The following DLG5 variants were observed in gnomAD, a reference collection of about 807,000 sequenced individuals.
DLG5 encodes the protein disks large homolog 5.
Under a neutral mutation model 189.8 loss-of-function variants are expected in DLG5, and 48 were observed. That is an observed-to-expected ratio of 0.25 (90% CI 0.20 to 0.32). DLG5 has a LOEUF of 0.32. DLG5 is among the 10% of genes least tolerant of loss of function. The pLI is 1.00. For synonymous variants in DLG5, 1,016 were observed against 1,054.1 expected, an observed-to-expected ratio of 0.96 and a Z score of 0.70; for missense variants, 2,160 against 2,544.7, an observed-to-expected ratio of 0.85 and a Z score of 3.25.
intron 23 of DLG5, among the ~76,000 whole-genome samples, chr10:77,810,255 G>A (rs563571081): frequency 7.9e-5 from 12 of 152,360 alleles, no homozygotes; most frequent in African/African-American, 2.9e-4. Context: ...TGGAGGGAGT[G>A]AGATGGGACA....
chr10:77,816,709 G>C lies in DLG5; in HGVS notation c.3875-8C>G, dbSNP rs371821340. The C allele has an allele frequency of 6.3e-6, 10 of 1,598,874 alleles. No homozygotes were observed. The highest frequency in any genetic ancestry group is 8.5e-6 in the Non-Finnish European group (10 of 1,172,246). ...CAGAATGTGACACTGAACCTGCAGA[G>C]AGGAGCGGGTAATGCCGGTGTGAAC... On this transcript the variant is annotated splice_region_variant and splice_polypyrimidine_tract_variant and intron_variant, in intron 19 of 31. Transcript: ENST00000372391.
intron 15 of DLG5, 28 bp downstream of exon 15, chr10:77,821,054 C>T (rs1246725174): frequency 1.9e-6 from 3 of 1,572,836 alleles, no homozygotes; most frequent in African/African-American, 2.7e-5. Flanking sequence ...TAGGCCTCCC[C>T]TCCCCACACC....
At chr10:77,938,542 A>G in the DLG5 span, among the ~76,000 whole-genome samples, 1 of 152,230 alleles carries the variant, frequency 6.6e-6, no homozygotes, top group South Asian at 2.1e-4. Flanking sequence ...ACTCTCCATA[A>G]GAACACTTCC....
At chr10:77,865,344 G>A (rs561807338) in intron 2 of DLG5, among the ~76,000 whole-genome samples, 1 of 152,246 alleles carries the variant, frequency 6.6e-6, no homozygotes, top group South Asian at 2.1e-4. Context: ...GGGCGTCAGT[G>A]GCAGCCCCCA....
rs1840657798 is a variant in DLG5 at position 77,791,879 on chromosome 10, T to C, written c.*561A>G. 1.9e-5 allele frequency: 3 copies of C among 154,298 alleles called. No individual in the cohort carries two copies. In the South Asian group the frequency reaches 6.2e-4, roughly 32 times the overall value. 9.6% of individuals were successfully genotyped at this position (154,298 alleles called of 1,614,324 possible). ...CAGGCAGTCTGAGCACCTGGAGTTG[T>C]GACGTCCTTCCAGGAGAGGTGCCAC... is the stretch of plus-strand genomic sequence containing the variant. On this transcript the variant is annotated 3_prime_UTR_variant, in exon 32 of 32. Transcript: ENST00000372391.
intron 5 of DLG5, among the ~76,000 whole-genome samples, chr10:77,845,655 G>T (rs1447907228): frequency 6.6e-6 from 1 of 151,478 alleles, no homozygotes; most frequent in African/African-American, 2.4e-5. Context: ...GAGAGAGAAA[G>T]AAAGGGAAAG....
intron 2 of DLG5, among the ~76,000 whole-genome samples, chr10:77,865,936 T>G (rs2154576978): frequency 6.6e-6 from 1 of 152,304 alleles, no homozygotes; most frequent in African/African-American, 2.4e-5. Context: ...CAATTTCTTC[T>G]CATGCTGAAT....
At chr10:77,919,347 T>C (rs376500542) in intron 1 of DLG5, among the ~76,000 whole-genome samples, 4 of 152,176 alleles carry the variant, frequency 2.6e-5, no homozygotes, top group African/African-American at 9.6e-5. Flanking sequence ...GCAATCCTGA[T>C]GTAGAGCTGG....
rs749029117 is a variant in DLG5, at chr10:77,821,358, G to A, written c.3126C>T (p.Ser1042=). Residue 1042 remains serine (S), a synonymous_variant, in exon 15 of 32, where the codon TCC becomes TCT. Coordinates refer to ENST00000372391, the MANE Select transcript of DLG5 (RefSeq NM_004747.4). ...SESEATLVGS[S]PSTSPPSALP... is the part of the protein sequence containing the mutation. ...GGGCGCTCGGGGGACTAGTGGATGGGGAGCTGCCCACCAGAGTGGCTTCTG... is the reference window on the plus strand; with the variant it reads ...GGGCGCTCGGGGGACTAGTGGATGGAGAGCTGCCCACCAGAGTGGCTTCTG... The A allele has an allele frequency of 1.2e-5, 20 of 1,612,718 alleles. No individual in the cohort carries two copies. The highest frequency in any genetic ancestry group is 5.5e-5 in the South Asian group (5 of 91,082).
chr10:77,843,678 A>C lies in DLG5; in HGVS notation c.893T>G (p.Ile298Ser). 6.2e-7 allele frequency: 1 copy of C among 1,613,558 alleles called. No homozygotes were observed. The highest frequency in any genetic ancestry group is 1.6e-4 in the Middle Eastern group (1 of 6,062). The change falls in exon 6 of 32, where the codon ATT becomes AGT. Residue 298 changes from isoleucine (I) to serine (S), a missense_variant. Around this residue, in one of 5 missense-constraint regions of DLG5, gnomAD observed 664 missense variants for 838.5 expected, o/e 0.79. Coordinates refer to ENST00000372391, the MANE Select transcript of DLG5 (RefSeq NM_004747.4). ...QVLKHNGSSEILNKLYDTAMD... is the reference protein window; with the variant it reads ...QVLKHNGSSESLNKLYDTAMD... ...GGCCGTGTCATACAGTTTGTTGAGA[A>C]TCTCGGATGACCCGTTGTGCTTCAA...
At position 77,835,004 on chromosome 10, in the gene DLG5, A is replaced by G. The variant is rs370424818; in HGVS notation, c.1622+734T>C. 2.2e-3 allele frequency among the ~76,000 whole-genome samples: 331 copies of G among 151,274 alleles called. 1 individual carries two copies. The highest frequency in any genetic ancestry group is 7.3e-3 in the African/African-American group (301 of 41,258). On this transcript the variant is annotated intron_variant, in intron 8 of 31. Transcript: ENST00000372391. ...TCTCCCCACCCCAAACATCACCACCACCATAGCCTCTCCTGGTTCCTCCCC... is the reference window on the plus strand; with the variant it reads ...TCTCCCCACCCCAAACATCACCACCGCCATAGCCTCTCCTGGTTCCTCCCC...
chr10:77,913,695 C>A (rs920935953), intron 1 of DLG5, among the ~76,000 whole-genome samples: 1 of 152,142 alleles, frequency 6.6e-6, no homozygotes, highest in Non-Finnish European at 1.5e-5. Flanking sequence ...CTCAACCAAT[C>A]CTCCCGCCTC....
intron 1 of DLG5, among the ~76,000 whole-genome samples, chr10:77,910,949 AG>A (rs1487228932): frequency 7.4e-6 from 1 of 135,912 alleles, no homozygotes; most frequent in African/African-American, 2.7e-5. Context: ...TCTAGTCTGG[AG>A]TGCAGCCTGT....
At chr10:77,876,403 C>CACAGTT (rs1845091545) in intron 1 of DLG5, among the ~76,000 whole-genome samples, 1 of 145,838 alleles carries the variant, frequency 6.9e-6, no homozygotes, top group Non-Finnish European at 1.5e-5. Flanking sequence ...GAAAGAGAGT[C>CACAGTT]TCACTCTGTT....
At chr10:77,810,588 C>T (rs977262012) in intron 23 of DLG5, among the ~76,000 whole-genome samples, 1 of 152,230 alleles carries the variant, frequency 6.6e-6, no homozygotes, top group Admixed American at 6.5e-5. Context: ...CTCTTTATGC[C>T]CACTCTTGGC....
intron 1 of DLG5, among the ~76,000 whole-genome samples, chr10:77,881,418 T>C (rs575299199): frequency 3.7e-4 from 56 of 152,188 alleles, no homozygotes; most frequent in Admixed American, 1.4e-3. Flanking sequence ...CAAGGCCATC[T>C]TTCCAACAGA....
intron 1 of DLG5, among the ~76,000 whole-genome samples, chr10:77,877,333 T>C (rs1845132493): frequency 6.7e-6 from 1 of 149,944 alleles, no homozygotes. Context: ...AAGTGGCAAG[T>C]GACAGGGACT....
At chr10:77,891,974 G>T (rs994977272) in intron 1 of DLG5, among the ~76,000 whole-genome samples, 1 of 152,164 alleles carries the variant, frequency 6.6e-6, no homozygotes, top group Non-Finnish European at 1.5e-5. Flanking sequence ...GCCTCTTTCT[G>T]CAGGTTGGCT....
Position 77,834,031 on chromosome 10 carries a change from C to T in DLG5, c.1631G>A (p.Cys544Tyr). The T allele has an allele frequency of 6.2e-7, 1 of 1,609,558 alleles. No individual in the cohort carries two copies. The highest frequency in any genetic ancestry group is 8.5e-7 in the Non-Finnish European group (1 of 1,179,714). ...GTCCCGCTCCCGCCTCAGGTTGTCA[C>T]ACAGTGTCCTGGTGGAAGGAGCAGA... The part of the protein sequence containing the change: ...VAERDSIRTL[C>Y]DNLRRERDRA... Residue 544 changes from cysteine (C) to tyrosine (Y), a missense_variant, in exon 9 of 32, where the codon TGT becomes TAT. By Grantham distance (194) the Cys-to-Tyr change is radical. Transcript: ENST00000372391.
Sources: gnomAD v4.1 joint callset for allele counts (sites outside exome capture counted in the v4.1 genomes callset) on GRCh38, gnomAD v4.1.1 for gene constraint, gnomAD v4.1.1 regional missense constraint, MANE v1.5 for transcripts, NCBI Gene and HGNC (gene_info 2026-07-23, HGNC 2026-07-21) for gene names.